Variants in CACNA1E observed in about 807,000 individuals in gnomAD.
CACNA1E encodes the protein voltage-dependent R-type calcium channel subunit alpha-1E.
A neutral mutation model predicts 259.2 loss-of-function variants in CACNA1E; 40 were observed. The observed-to-expected ratio is 0.15, with a 90% CI of 0.12 to 0.20. The LOEUF is 0.20. Among genes scored for constraint, CACNA1E ranks in the 10% least tolerant of loss-of-function variants. The probability of loss-of-function intolerance (pLI) is 1.00; values close to 1 mark genes in which losing one functional copy is unlikely to be tolerated. For missense variants in CACNA1E, 1,874 were observed against 3,040.1 expected, an observed-to-expected ratio of 0.62 and a Z score of 9.02; for synonymous variants, 1,104 against 1,138.5, an observed-to-expected ratio of 0.97 and a Z score of 0.61.
intron 2 of CACNA1E, among the ~76,000 whole-genome samples, chr1:181,475,633 G>T: frequency 6.6e-6 from 1 of 152,210 alleles, no homozygotes. Flanking sequence ...GGAAAGATAG[G>T]TTGAATTCTG....
chr1:181,769,248 A>C (rs1241785081), intron 35 of CACNA1E, among the ~76,000 whole-genome samples: 1 of 151,954 alleles, frequency 6.6e-6, no homozygotes, highest in African/African-American at 2.4e-5. Flanking sequence ...ATTTAAATCT[A>C]TACTCTCATG....
At chr1:181,357,957 T>G (rs1367371685) in intron 1 of CACNA1E, among the ~76,000 whole-genome samples, 2 of 152,186 alleles carry the variant, frequency 1.3e-5, no homozygotes, top group African/African-American at 4.8e-5. Context: ...GAGCCTTTCA[T>G]GACATTTGCC....
intron 46 of CACNA1E, among the ~76,000 whole-genome samples, chr1:181,795,766 A>AT (rs1209282378): frequency 5.1e-5 from 7 of 137,226 alleles, no homozygotes; most frequent in Non-Finnish European, 7.9e-5. Context: ...TTTTTGCTTT[A>AT]AATATATATA....
At chr1:181,672,389 A>T (rs1404049166) in intron 7 of CACNA1E, among the ~76,000 whole-genome samples, 1 of 152,260 alleles carries the variant, frequency 6.6e-6, no homozygotes, top group East Asian at 1.9e-4. Flanking sequence ...AACTTTTGAA[A>T]AAAAGGATGT....
chr1:181,790,250 G>A (rs1661176901), intron 43 of CACNA1E, among the ~76,000 whole-genome samples, 195 bp from the exon 44 acceptor site: 1 of 151,348 alleles, frequency 6.6e-6, no homozygotes, highest in Admixed American at 6.6e-5. Context: ...TTCAAAGGCA[G>A]GATGCAGGTT....
Position 181,783,647 on chromosome 1 carries a change from T to G in CACNA1E, c.5365-32T>G, listed in dbSNP as rs3927750. 21,256 of 1,186,758 alleles carry G rather than the reference T, an allele frequency of 0.018. 42 individuals are homozygous for G. Among genetic ancestry groups the G allele is most frequent in the South Asian group, 0.057 (4,080 of 71,678 alleles). The allele number at this position is 1,186,758 out of a possible 1,614,324, so 73.5% of individuals were successfully genotyped here. On this transcript the variant is annotated intron_variant, in intron 39 of 47. Transcript: ENST00000367573. ...GATGTCTTTCAATTTTTTTTTTTTTTGCCTGCTGTTTCTTTTTTCTCTTTC... is the reference window on the plus strand; with the variant it reads ...GATGTCTTTCAATTTTTTTTTTTTTGGCCTGCTGTTTCTTTTTTCTCTTTC...
rs1412307394 is a variant in CACNA1E, at chr1:181,793,688, A to C, written c.5922A>C (p.Lys1974Asn). Reference sequence around the variant, plus strand: ...AGGAGCCAGAGGTTAGTGAATTAAAAAGCGTGCAGCCCTCTAACCATGGCA... The same window carrying C: ...AGGAGCCAGAGGTTAGTGAATTAAACAGCGTGCAGCCCTCTAACCATGGCA... The part of the protein sequence containing the change: ...QSLEPEVSEL[K>N]SVQPSNHGIY... Residue 1974 changes from lysine (K) to asparagine (N), a missense_variant, in exon 45 of 48, where the codon AAA becomes AAC. Coordinates refer to ENST00000367573, the MANE Select transcript of CACNA1E (RefSeq NM_001205293.3). 2.5e-6 allele frequency: 4 copies of C among 1,610,554 alleles called. No homozygotes were observed. In the South Asian group the frequency reaches 4.4e-5, roughly 18 times the overall value.
rs1272666554 is a variant in CACNA1E at position 181,798,630 on chromosome 1, G to A, written c.6738G>A (p.Glu2246=). 4 of 1,611,684 alleles carry A rather than the reference G, an allele frequency of 2.5e-6. No homozygotes were observed. Among genetic ancestry groups the A allele is most frequent in the Non-Finnish European group, 2.5e-6 (3 of 1,178,528 alleles). Residue 2246 remains glutamate (E), a synonymous_variant, in exon 48 of 48, where the codon GAG becomes GAA. Coordinates refer to ENST00000367573, the MANE Select transcript of CACNA1E (RefSeq NM_001205293.3). The surrounding 1 kb of genome is among the most constrained non-coding windows in gnomAD (Gnocchi z 4.2). ...ACTCCCACGCCTCAGACTGTGGTGA[G>A]GAGGAGACGCTCACTTTCGAAGCAG... ...HEDSHASDCG[E]EETLTFEAAV... is the part of the protein sequence containing the mutation.
At position 181,452,761 on chromosome 1, in the gene CACNA1E, ACTT is replaced by A. The variant is rs539766642; in HGVS notation, c.435-30976_435-30974del. On this transcript the variant is annotated intron_variant, in intron 2 of 11. Transcript: ENST00000524607. ...AACCACATACAAGATCTAGCAAAAC[ACTT>A]CTTCTTTTCTAACCCTAACTCTTCA... Among the ~76,000 whole-genome samples, 47 of 152,312 alleles carry A rather than the reference ACTT, an allele frequency of 3.1e-4. No individual in the cohort carries two copies. In the East Asian group the frequency reaches 7.7e-3, roughly 25 times the overall value.
chr1:181,334,041 C>A (rs1283527795), intron 1 of CACNA1E, among the ~76,000 whole-genome samples: 2 of 152,142 alleles, frequency 1.3e-5, no homozygotes, highest in Non-Finnish European at 2.9e-5. Flanking sequence ...TTTTTGAACC[C>A]TCTTTAATGA....
chr1:181,658,891 G>A (rs1174600242), intron 7 of CACNA1E, among the ~76,000 whole-genome samples: 2 of 152,068 alleles, frequency 1.3e-5, no homozygotes, highest in Non-Finnish European at 2.9e-5. Flanking sequence ...CTTTATTGGT[G>A]TCTGCAGGGG....
intron 3 of CACNA1E, among the ~76,000 whole-genome samples, chr1:181,523,420 G>C (rs914057609): frequency 2.0e-5 from 3 of 152,220 alleles, no homozygotes; most frequent in Non-Finnish European, 4.4e-5. Context: ...ATTGTTGAAT[G>C]AGTAGTATTG....
intron 3 of CACNA1E, among the ~76,000 whole-genome samples, chr1:181,554,092 C>A (rs1401798916): frequency 1.3e-5 from 2 of 152,052 alleles, no homozygotes; most frequent in African/African-American, 4.8e-5. Context: ...CCCACTGCAG[C>A]CTTGACCTCC....
intron 37 of CACNA1E, among the ~76,000 whole-genome samples, 154 bp downstream of exon 37, chr1:181,772,385 C>T (rs1047697344): frequency 2.0e-5 from 3 of 152,260 alleles, no homozygotes; most frequent in Admixed American, 6.5e-5. Context: ...CTCACACTCA[C>T]GTCCACACCC....
chr1:181,638,738 T>C (rs1027846788), intron 6 of CACNA1E, among the ~76,000 whole-genome samples: 7 of 152,200 alleles, frequency 4.6e-5, no homozygotes, highest in African/African-American at 1.7e-4. Flanking sequence ...TCCCCCATGC[T>C]GTTCTCATGA....
chr1:181,387,843 A>G (rs1486568965), intron 1 of CACNA1E, among the ~76,000 whole-genome samples: 16 of 152,126 alleles, frequency 1.1e-4, no homozygotes. Context: ...CGTGGACTAC[A>G]TTACCATATG....
intron 43 of CACNA1E, among the ~76,000 whole-genome samples, chr1:181,788,729 G>A (rs181596027): frequency 3.9e-4 from 59 of 152,310 alleles, no homozygotes; most frequent in African/African-American, 1.4e-3. Context: ...TTTATGCCCC[G>A]GCTTGACAAG....
intron 2 of CACNA1E, among the ~76,000 whole-genome samples, chr1:181,440,984 A>AG (rs1660432517): frequency 8.9e-5 from 1 of 11,242 alleles, no homozygotes; most frequent in East Asian, 1.2e-3. Context: ...ACCTTGTTTC[A>AG]AAAAAAAAAA....
intron 16 of CACNA1E, among the ~76,000 whole-genome samples, chr1:181,723,225 G>A (rs977328192): frequency 2.6e-5 from 4 of 152,090 alleles, no homozygotes; most frequent in Non-Finnish European, 4.4e-5. Context: ...TCTTTTTGTC[G>A]TTAAGGACAG....
Sources: allele counts gnomAD v4.1 joint callset (sites outside exome capture counted in the v4.1 genomes callset), GRCh38; gene constraint gnomAD v4.1.1; non-coding constraint Gnocchi (gnomAD v3.1); transcripts MANE v1.5; gene names NCBI Gene and HGNC (gene_info 2026-07-23, HGNC 2026-07-21).